TRPM6: variants seen among roughly 807,000 people sequenced by gnomAD.
TRPM6 encodes transient receptor potential cation channel subfamily M member 6.
In TRPM6, 111 loss-of-function variants were observed where a neutral mutation model predicts 247.6. The ratio of observed to expected loss-of-function variants is 0.45; its 90% confidence interval spans 0.38 to 0.52. The LOEUF (loss-of-function observed/expected upper bound fraction) is 0.52. Ranked by LOEUF, TRPM6 falls within the 20% of genes least tolerant of loss-of-function variation. The pLI, the probability that TRPM6 is intolerant of heterozygous loss-of-function variation, is 0.00. For synonymous variants in TRPM6, 892 were observed against 853.8 expected (o/e 1.04, Z -0.78); for missense variants, 2,126 against 2,421.5 (o/e 0.88, Z 2.56).
At chr9:74,782,512 G>C (rs1459468459) in intron 22 of TRPM6, 36 bp from the exon 23 acceptor site, 8 of 1,542,594 alleles carry the variant, frequency 5.2e-6, no homozygotes, top group Non-Finnish European at 6.2e-6. Flanking sequence ...TGAAAGATAA[G>C]ATGAATCACA....
At chr9:74,778,646 T>C (rs149957192) in intron 23 of TRPM6, among the ~76,000 whole-genome samples, 1 of 152,154 alleles carries the variant, frequency 6.6e-6, no homozygotes, top group African/African-American at 2.4e-5. Context: ...CCCATACTTA[T>C]CACTTCTTTC....
At chr9:74,803,291 G>C (rs1828409093) in intron 15 of TRPM6, among the ~76,000 whole-genome samples, 1 of 134,166 alleles carries the variant, frequency 7.5e-6, no homozygotes, top group Non-Finnish European at 1.6e-5. Flanking sequence ...GAATAACAAT[G>C]TTGTACACAC....
intron 36 of TRPM6, chr9:74,737,469 A>T (rs1373319395): frequency 7.8e-7 from 1 of 1,287,288 alleles, no homozygotes; most frequent in African/African-American, 1.5e-5. Context: ...GTCAGACAGG[A>T]CAAGAAAAAG....
In TRPM6 at chr9:74,782,423, G is replaced by T. The variant is rs1426338347; in HGVS notation, c.3148C>A (p.Gln1050Lys). The T allele has an allele frequency of 6.2e-7, 1 of 1,614,080 alleles. No homozygotes were observed. The highest frequency in any genetic ancestry group is 8.5e-7 in the Non-Finnish European group (1 of 1,180,008). ...PPGSFLTPFL[Q>K]AVYLFVQYII... Reference sequence around the variant, plus strand: ...TATTGCACGAAGAGGTAGACAGCTTGCAAGAATGGAGTAAGAAAAGAACCA... The same window carrying T: ...TATTGCACGAAGAGGTAGACAGCTTTCAAGAATGGAGTAAGAAAAGAACCA... The change falls in exon 23 of 39, where the codon CAA becomes AAA. Residue 1050 changes from glutamine (Q) to lysine (K), a missense_variant. This residue lies in a region of TRPM6 where 1,082 missense variants were observed against 1,307.9 expected (regional missense o/e 0.83). Transcript: ENST00000360774.
chr9:74,789,687 C>T (rs187715213), intron 19 of TRPM6, among the ~76,000 whole-genome samples: 136 of 152,126 alleles, frequency 8.9e-4, no homozygotes, highest in African/African-American at 2.8e-3. Context: ...CGGCTGGATG[C>T]GGTGGCTCAT....
chr9:74,843,689 C>T (rs913608911), intron 3 of TRPM6, among the ~76,000 whole-genome samples: 1 of 151,744 alleles, frequency 6.6e-6, no homozygotes, highest in African/African-American at 2.4e-5. Context: ...GTGGCAGGCG[C>T]CTGTAATCCC....
At chr9:74,781,738 T>A (rs76163146) in intron 23 of TRPM6, among the ~76,000 whole-genome samples, 260 of 152,240 alleles carry the variant, frequency 1.7e-3, no homozygotes, top group African/African-American at 6.0e-3. Context: ...TCACTTGCTA[T>A]CCTTTCATAA....
Position 74,738,618 on chromosome 9 carries a change from A to G in TRPM6, c.5571-6T>C, listed in dbSNP as rs761863853. On this transcript the variant is annotated splice_region_variant and splice_polypyrimidine_tract_variant and intron_variant, in intron 35 of 38. Coordinates refer to ENST00000360774, the MANE Select transcript of TRPM6 (RefSeq NM_017662.5). ...TTAAGAAAACTTCCAGGAACCTGTT[A>G]GGGAAAAAGAGGCCATTGATCCCCC... is the stretch of plus-strand genomic sequence containing the variant. 4.3e-6 allele frequency: 7 copies of G among 1,613,534 alleles called. No homozygotes were observed.
chr9:74,837,004 T>A (rs554195722), intron 5 of TRPM6, among the ~76,000 whole-genome samples: 1 of 152,330 alleles, frequency 6.6e-6, no homozygotes, highest in South Asian at 2.1e-4. Context: ...TATAACCCAG[T>A]CAGCATCAAT....
At chr9:74,758,120 C>G (rs1826495208) in intron 27 of TRPM6, among the ~76,000 whole-genome samples, 1 of 152,158 alleles carries the variant, frequency 6.6e-6, no homozygotes, top group Admixed American at 6.5e-5. Flanking sequence ...CTAAATAGCT[C>G]TATATCTATT....
chr9:74,822,729 TA>T (rs1829174618), intron 7 of TRPM6, among the ~76,000 whole-genome samples: 1 of 152,084 alleles, frequency 6.6e-6, no homozygotes, highest in African/African-American at 2.4e-5. Flanking sequence ...ATTACTTTCT[TA>T]AAGTAAGGGA....
intron 7 of TRPM6, among the ~76,000 whole-genome samples, chr9:74,823,600 A>G (rs114565391): frequency 1.5e-4 from 23 of 152,306 alleles, no homozygotes; most frequent in African/African-American, 5.3e-4. Context: ...ACTAAAAAGC[A>G]TATCTATGAT....
intron 5 of TRPM6, 130 bp from the exon 6 acceptor site, chr9:74,834,252 T>A: frequency 9.2e-7 from 1 of 1,086,110 alleles, no homozygotes; most frequent in Non-Finnish European, 1.4e-6. Context: ...GCTGGTACAG[T>A]GGAATTAGTT....
chr9:74,869,647 T>C (rs1446427631), intron 1 of TRPM6, among the ~76,000 whole-genome samples: 2 of 151,990 alleles, frequency 1.3e-5, no homozygotes, highest in Admixed American at 6.6e-5. Flanking sequence ...CAGGTTCTAA[T>C]GCTAGTGCCA....
At chr9:74,776,435 T>C (rs996151881) in intron 23 of TRPM6, among the ~76,000 whole-genome samples, 1 of 152,176 alleles carries the variant, frequency 6.6e-6, no homozygotes, top group African/African-American at 2.4e-5. Context: ...TCATCGTTTA[T>C]GGGAAACAGC....
intron 36 of TRPM6, chr9:74,737,253 CTA>C: frequency 2.0e-6 from 1 of 506,316 alleles, no homozygotes; most frequent in South Asian, 2.1e-5. Flanking sequence ...ACAGAAGCAC[CTA>C]TATGTCATTT....
At chr9:74,811,446 G>A (rs1828727071) in intron 12 of TRPM6, among the ~76,000 whole-genome samples, 1 of 152,184 alleles carries the variant, frequency 6.6e-6, no homozygotes, top group African/African-American at 2.4e-5. Flanking sequence ...AAAGGACAAG[G>A]AAGGCTATTT....
chr9:74,795,341 G>A (rs565031806), intron 18 of TRPM6, among the ~76,000 whole-genome samples: 12 of 152,234 alleles, frequency 7.9e-5, no homozygotes, highest in African/African-American at 2.2e-4. Flanking sequence ...CTGGCTGTCC[G>A]TAACCTACAG....
At chr9:74,770,615 G>A (rs978598945) in intron 25 of TRPM6, among the ~76,000 whole-genome samples, 9 of 151,994 alleles carry the variant, frequency 5.9e-5, no homozygotes, top group Middle Eastern at 3.2e-3. Flanking sequence ...ACACCCAGCC[G>A]ACGACTCTGC....
Sources: allele counts gnomAD v4.1 joint callset (sites outside exome capture counted in the v4.1 genomes callset), GRCh38; gene constraint gnomAD v4.1.1; regional missense constraint gnomAD v4.1.1; transcripts MANE v1.5; gene names NCBI Gene and HGNC (gene_info 2026-07-23, HGNC 2026-07-21).